The following GRID1 variants were observed in gnomAD, a reference collection of about 807,000 sequenced individuals.
GRID1 encodes the protein glutamate ionotropic receptor delta type subunit 1.
Under a neutral mutation model 98.0 loss-of-function variants are expected in GRID1, and 28 were observed. The observed-to-expected ratio is 0.29, with a 90% CI of 0.21 to 0.39. GRID1 has a LOEUF of 0.39. Among genes scored for constraint, GRID1 ranks in the 10% least tolerant of loss-of-function variants. The pLI is 1.00. For synonymous variants in GRID1, 553 were observed against 538.5 expected (o/e 1.03, Z -0.37); for missense variants, 1,111 against 1,340.5 (o/e 0.83, Z 2.67).
chr10:86,101,441 AT>A (rs1844294306), intron 4 of GRID1, among the ~76,000 whole-genome samples: 1 of 152,130 alleles, frequency 6.6e-6, no homozygotes, highest in Non-Finnish European at 1.5e-5. Flanking sequence ...GAATCCTCCT[AT>A]CCCTAGGCCT....
chr10:85,683,242 C>T (rs1468428747), intron 12 of GRID1, among the ~76,000 whole-genome samples: 1 of 152,044 alleles, frequency 6.6e-6, no homozygotes, highest in Non-Finnish European at 1.5e-5. Context: ...TTTCACTGGA[C>T]AAAAATGAAG....
At chr10:85,652,325 A>C (rs1373021740) in intron 12 of GRID1, among the ~76,000 whole-genome samples, 4 of 152,246 alleles carry the variant, frequency 2.6e-5, no homozygotes, top group Non-Finnish European at 5.9e-5. Context: ...ACATCTTTGC[A>C]TGTTACAAAA....
At chr10:86,071,623 C>G (rs1470259616) in intron 4 of GRID1, among the ~76,000 whole-genome samples, 2 of 152,194 alleles carry the variant, frequency 1.3e-5, no homozygotes, top group Non-Finnish European at 2.9e-5. Context: ...ACATTGACAT[C>G]TTTCTTTTTA....
At chr10:86,094,001 T>C (rs1344562933) in intron 4 of GRID1, among the ~76,000 whole-genome samples, 2 of 152,186 alleles carry the variant, frequency 1.3e-5, no homozygotes, top group African/African-American at 4.8e-5. Flanking sequence ...TCCACCATGA[T>C]CAAGTGGGTT....
At chr10:85,942,110 C>T (rs1156395604) in intron 4 of GRID1, among the ~76,000 whole-genome samples, 1 of 152,216 alleles carries the variant, frequency 6.6e-6, no homozygotes, top group Non-Finnish European at 1.5e-5. Context: ...TACTGATCAA[C>T]CCAAGCCAAA....
At chr10:85,847,667 T>C (rs1472583214) in intron 8 of GRID1, among the ~76,000 whole-genome samples, 1 of 152,068 alleles carries the variant, frequency 6.6e-6, no homozygotes, top group Non-Finnish European at 1.5e-5. Context: ...TAGGCCATCA[T>C]GTCACAATTT....
intron 8 of GRID1, among the ~76,000 whole-genome samples, chr10:85,755,115 C>CTT: frequency 6.6e-6 from 1 of 152,120 alleles, no homozygotes; most frequent in Non-Finnish European, 1.5e-5. Context: ...CCTGTTTTGG[C>CTT]CGGCCCTTTT....
intron 15 of GRID1, among the ~76,000 whole-genome samples, chr10:85,612,567 G>A (rs1842746099): frequency 6.6e-6 from 1 of 151,976 alleles, no homozygotes; most frequent in Non-Finnish European, 1.5e-5. Context: ...CAGAGCTGTG[G>A]TTCTAGACAT....
At chr10:85,795,686 C>A (rs1474821102) in intron 8 of GRID1, among the ~76,000 whole-genome samples, 1 of 152,180 alleles carries the variant, frequency 6.6e-6, no homozygotes, top group Non-Finnish European at 1.5e-5. Context: ...GGCAACGGCA[C>A]GTCGAATCCT....
At chr10:85,673,573 C>T (rs1054062610) in intron 12 of GRID1, among the ~76,000 whole-genome samples, 1 of 152,156 alleles carries the variant, frequency 6.6e-6, no homozygotes, top group Non-Finnish European at 1.5e-5. Context: ...TGAGGCAAAC[C>T]CTCCACCAGC....
intron 2 of GRID1, among the ~76,000 whole-genome samples, chr10:86,291,895 C>G (rs1302894398): frequency 1.3e-5 from 2 of 152,232 alleles, no homozygotes; most frequent in African/African-American, 4.8e-5. Context: ...ATCATGCCCA[C>G]CTGACAGAGG....
intron 8 of GRID1, among the ~76,000 whole-genome samples, chr10:85,789,334 C>T (rs1204676507): frequency 2.0e-5 from 3 of 152,132 alleles, no homozygotes; most frequent in African/African-American, 7.2e-5. Context: ...ACCCAGAGGG[C>T]CCTGGGGAAG....
Position 86,366,393 on chromosome 10 carries a change from G to A in GRID1, c.-1C>T. 1 of 1,499,984 alleles carries A rather than the reference G, an allele frequency of 6.7e-7. No individual in the cohort carries two copies. Among genetic ancestry groups the A allele is most frequent in the Non-Finnish European group, 8.9e-7 (1 of 1,121,428 alleles). The allele number at this position is 1,499,984 out of a possible 1,614,324, so 92.9% of individuals were successfully genotyped here. A position where few individuals can be genotyped will look rare whatever the true frequency, so the allele number is the denominator to read the frequency against. On this transcript the variant is annotated 5_prime_UTR_variant, in exon 1 of 16. Transcript: ENST00000327946. The surrounding 1 kb of genome is among the most constrained non-coding windows in gnomAD (Gnocchi z 4.1). ...GAAGCCACAGCGTCAGCGCTTCCAT[G>A]TCCCCCGGGCGCGCGGCTCATCCAC...
At chr10:86,035,155 T>C (rs1843242580) in intron 4 of GRID1, among the ~76,000 whole-genome samples, 1 of 152,174 alleles carries the variant, frequency 6.6e-6, no homozygotes, top group African/African-American at 2.4e-5. Context: ...GCGGCCTTGA[T>C]TTTACCTAAT....
At chr10:85,716,041 G>T (rs1028973221) in intron 12 of GRID1, among the ~76,000 whole-genome samples, 1 of 151,900 alleles carries the variant, frequency 6.6e-6, no homozygotes, top group African/African-American at 2.4e-5. Flanking sequence ...TGAGTAGCTG[G>T]GATCACAGGT....
Position 85,840,766 on chromosome 10 carries a change from G to C in GRID1, c.1233+13730C>G, listed in dbSNP as rs148800381. Reference sequence around the variant, plus strand: ...GCCACAAAAAGAATAAAATACCAAGGAATACAGCTAACCAAGGAAGTGAAA... The same window carrying C: ...GCCACAAAAAGAATAAAATACCAAGCAATACAGCTAACCAAGGAAGTGAAA... On this transcript the variant is annotated intron_variant, in intron 8 of 15. Transcript: ENST00000327946. 4.5e-3 allele frequency among the ~76,000 whole-genome samples: 690 copies of C among 152,010 alleles called. 4 individuals are homozygous for C. Among genetic ancestry groups the C allele is most frequent in the Non-Finnish European group, 5.1e-3 (350 of 67,964 alleles).
chr10:86,181,408 T>G (rs1265077093), intron 3 of GRID1, among the ~76,000 whole-genome samples: 1 of 152,126 alleles, frequency 6.6e-6, no homozygotes, highest in Non-Finnish European at 1.5e-5. Context: ...CCTCTTCCAG[T>G]GGACACTAAC....
chr10:85,656,950 C>G (rs1420657061), intron 12 of GRID1, among the ~76,000 whole-genome samples: 7 of 152,154 alleles, frequency 4.6e-5, no homozygotes, highest in African/African-American at 1.7e-4. Flanking sequence ...GACTTCTTGA[C>G]TCCAAAGTCA....
intron 4 of GRID1, among the ~76,000 whole-genome samples, chr10:85,925,250 G>A (rs1432998611): frequency 6.6e-6 from 1 of 152,218 alleles, no homozygotes; most frequent in Non-Finnish European, 1.5e-5. Context: ...GCTAAGTCCT[G>A]ATGGGAGGCA....
Sources: allele counts gnomAD v4.1 joint callset (sites outside exome capture counted in the v4.1 genomes callset), GRCh38; gene constraint gnomAD v4.1.1; non-coding constraint Gnocchi (gnomAD v3.1); transcripts MANE v1.5; gene names NCBI Gene and HGNC (gene_info 2026-07-23, HGNC 2026-07-21).